Variants in RALB observed in about 807,000 individuals in gnomAD.
RALB encodes the protein ras-related protein Ral-B.
RALB carries 16 observed loss-of-function variants against 21.3 expected under a neutral mutation model. The observed-to-expected ratio is 0.75, with a 90% CI of 0.51 to 1.14. The LOEUF (loss-of-function observed/expected upper bound fraction) is 1.14, where lower values mean the gene tolerates loss of function less well. Among genes scored for constraint, RALB ranks in the 50% most tolerant of loss-of-function variants. The pLI, the probability that RALB is intolerant of heterozygous loss-of-function variation, is 0.00. For missense variants in RALB, 161 were observed against 256.2 expected, an observed-to-expected ratio of 0.63 and a Z score of 2.54; for synonymous variants, 93 against 96.1, an observed-to-expected ratio of 0.97 and a Z score of 0.19.
intron 1 of RALB, among the ~76,000 whole-genome samples, chr2:120,270,765 TTATTTAATA>T (rs1689643330): frequency 1.3e-5 from 2 of 152,210 alleles, no homozygotes; most frequent in Non-Finnish European, 2.9e-5. Flanking sequence ...TCTCCCTTGT[TTATTTAATA>T]TTCATTATAG....
rs1446903439 is a variant in RALB at position 120,285,977 on chromosome 2, A to G, written c.218A>G (p.Glu73Gly). ...QIDILDTAGQ[E>G]DYAAIRDNYF... is the part of the protein sequence containing the mutation. ...GATATTCTGGACACCGCTGGGCAAGAGGACTACGCAGCCATTCGAGATAAC... is the reference window on the plus strand; with the variant it reads ...GATATTCTGGACACCGCTGGGCAAGGGGACTACGCAGCCATTCGAGATAAC... Residue 73 changes from glutamate (E) to glycine (G), a missense_variant, in exon 3 of 5, where the codon GAG becomes GGG. Physicochemically the swap from Glu to Gly is moderately conservative, Grantham distance 98 (BLOSUM62 -2). Coordinates refer to ENST00000272519, the MANE Select transcript of RALB (RefSeq NM_002881.3). 6.2e-7 allele frequency: 1 copy of G among 1,614,084 alleles called. No individual in the cohort carries two copies. Among genetic ancestry groups the G allele is most frequent in the Admixed American group, 1.7e-5 (1 of 60,014 alleles).
rs547733377 is a variant in RALB, at chr2:120,288,342, G to GTTTTTTTTTTT, written c.324-1237_324-1227dup. Among the ~76,000 whole-genome samples, 41 of 117,070 alleles carry GTTTTTTTTTTT rather than the reference G, an allele frequency of 3.5e-4. 7 individuals are homozygous for GTTTTTTTTTTT. Among genetic ancestry groups the GTTTTTTTTTTT allele is most frequent in the Non-Finnish European group, 4.3e-4 (26 of 60,188 alleles). The allele number at this position is 117,070 out of a possible 152,430, so 76.8% of individuals were successfully genotyped here. A position where few individuals can be genotyped will look rare whatever the true frequency, so the allele number is the denominator to read the frequency against. On this transcript the variant is annotated intron_variant, in intron 3 of 4. Transcript: ENST00000272519. The stretch of plus-strand genomic sequence containing the variant: ...TTAAATTGACTACATGAAAATTTTA[G>GTTTTTTTTTTT]TTTTTTTTTTTGTTTTTTTTTTTGT...
At chr2:120,262,417 C>T (rs1181300576) in intron 1 of RALB, among the ~76,000 whole-genome samples, 2 of 152,204 alleles carry the variant, frequency 1.3e-5, no homozygotes, top group African/African-American at 4.8e-5. Flanking sequence ...TGGAGGCTCT[C>T]GAAGGGTTTG....
At chr2:120,277,728 AGTGT>A (rs1023012397) in intron 1 of RALB, among the ~76,000 whole-genome samples, 2 of 150,918 alleles carry the variant, frequency 1.3e-5, no homozygotes, top group African/African-American at 4.9e-5. Flanking sequence ...CGTGTGTGAT[AGTGT>A]GTGAGCTTGT....
At chr2:120,288,059 T>C (rs1690209141) in intron 3 of RALB, among the ~76,000 whole-genome samples, 1 of 152,232 alleles carries the variant, frequency 6.6e-6, no homozygotes, top group South Asian at 2.1e-4. Context: ...AGTTCTGTCA[T>C]AAGAGACCAG....
At chr2:120,259,225 A>C (rs978158954) in intron 1 of RALB, among the ~76,000 whole-genome samples, 1 of 152,200 alleles carries the variant, frequency 6.6e-6, no homozygotes, top group Non-Finnish European at 1.5e-5. Flanking sequence ...CGAGTTGCCA[A>C]TGCTGGCTCG....
intron 1 of RALB, among the ~76,000 whole-genome samples, chr2:120,254,969 G>A (rs1689162244): frequency 6.6e-6 from 1 of 152,204 alleles, no homozygotes; most frequent in Non-Finnish European, 1.5e-5. Flanking sequence ...GAGCCACCCC[G>A]TCTGGCAGGG....
At chr2:120,247,710 G>C (rs1406865322) in intron 1 of RALB, among the ~76,000 whole-genome samples, 1 of 152,218 alleles carries the variant, frequency 6.6e-6, no homozygotes, top group Non-Finnish European at 1.5e-5. Flanking sequence ...CCTGCAAAAG[G>C]CTGCAAGGAA....
At chr2:120,260,696 C>T (rs905725020) in intron 1 of RALB, among the ~76,000 whole-genome samples, 3 of 152,240 alleles carry the variant, frequency 2.0e-5, no homozygotes, top group African/African-American at 7.2e-5. Flanking sequence ...GGGATGGCCT[C>T]AGGAGGGGGA....
At position 120,240,911 on chromosome 2, in the gene RALB, G is replaced by T. The variant is rs145794328; in HGVS notation, c.19+786G>T. On this transcript the variant is annotated intron_variant, in intron 1 of 3. Coordinates refer to the RALB transcript ENST00000447591. ...CACATACTCAGCCTTTGGGTAGACA[G>T]AGAGAGCTGGGTTTTGGGGGACCGG... is the stretch of plus-strand genomic sequence containing the variant. 1.4e-4 allele frequency among the ~76,000 whole-genome samples: 21 copies of T among 152,312 alleles called. No homozygotes were observed. The East Asian group carries it at 4.1e-3, about 29-fold the overall frequency.
chr2:120,292,784 T>G (rs1329013497), intron 4 of RALB, among the ~76,000 whole-genome samples: 1 of 151,642 alleles, frequency 6.6e-6, no homozygotes, highest in Non-Finnish European at 1.5e-5. Flanking sequence ...AGACCCTGTC[T>G]GAATTTAAAA....
intron 1 of RALB, among the ~76,000 whole-genome samples, chr2:120,269,872 T>G (rs564722433): frequency 2.0e-5 from 3 of 152,364 alleles, no homozygotes; most frequent in East Asian, 1.9e-4. Flanking sequence ...TATAATTCTT[T>G]TAGTAGTTGC....
chr2:120,280,582 G>A (rs1689964822), intron 2 of RALB, among the ~76,000 whole-genome samples: 1 of 152,022 alleles, frequency 6.6e-6, no homozygotes, highest in South Asian at 2.1e-4. Flanking sequence ...GAGAGCATTA[G>A]GACAAATACC....
intron 3 of RALB, among the ~76,000 whole-genome samples, chr2:120,289,097 TAATA>T (rs1196761771): frequency 6.6e-6 from 1 of 152,216 alleles, no homozygotes; most frequent in African/African-American, 2.4e-5. Flanking sequence ...TGTGATCCAC[TAATA>T]GGCTGCCACC....
intron 1 of RALB, among the ~76,000 whole-genome samples, chr2:120,265,177 G>A (rs1235546387): frequency 6.6e-6 from 1 of 152,188 alleles, no homozygotes; most frequent in South Asian, 2.1e-4. Context: ...TTTTGCAAAC[G>A]TCGGGGTATA....
chr2:120,252,870 T>C lies in RALB; in HGVS notation c.-158T>C, dbSNP rs1315177590. ...GGGGTGGGAAAGCGAGCCCGGCAGC[T>C]CAATGACAAATCGGTGGAGGACGGC... is the stretch of plus-strand genomic sequence containing the variant. On this transcript the variant is annotated 5_prime_UTR_variant, in exon 1 of 5. Coordinates refer to ENST00000272519, the MANE Select transcript of RALB (RefSeq NM_002881.3). The C allele has an allele frequency of 1.0e-5, 10 of 985,394 alleles. No individual in the cohort carries two copies. The South Asian group carries it at 3.3e-4, about 32-fold the overall frequency. The allele number at this position is 985,394 out of a possible 1,614,324, so 61.0% of individuals were successfully genotyped here.
At chr2:120,246,438 G>C (rs559254945) in intron 1 of RALB, among the ~76,000 whole-genome samples, 1 of 152,316 alleles carries the variant, frequency 6.6e-6, no homozygotes, top group African/African-American at 2.4e-5. Context: ...TGAGACCGGG[G>C]GTCTCCTCTA....
chr2:120,282,392 C>T (rs145586049), intron 2 of RALB, among the ~76,000 whole-genome samples: 1,691 of 151,800 alleles, frequency 0.011, 33 homozygotes, highest in African/African-American at 0.039. Context: ...GCAGGAGAAT[C>T]GCTTGAACCT....
upstream of RALB, among the ~76,000 whole-genome samples, chr2:120,250,709 T>C (rs1689039401): frequency 6.6e-6 from 1 of 152,168 alleles, no homozygotes. Context: ...AGAGTTCTGG[T>C]AGGGAAACTC....
Sources: allele counts gnomAD v4.1 joint callset (sites outside exome capture counted in the v4.1 genomes callset), GRCh38; gene constraint gnomAD v4.1.1; transcripts MANE v1.5; gene names NCBI Gene and HGNC (gene_info 2026-07-23, HGNC 2026-07-21).